FRMD4A: variants seen among roughly 807,000 people sequenced by gnomAD.
FRMD4A encodes FERM domain containing 4A, also known as FERM domain-containing protein 4A.
Under a neutral mutation model 129.1 loss-of-function variants are expected in FRMD4A, and 29 were observed. The ratio of observed to expected loss-of-function variants is 0.22; its 90% CI spans 0.17 to 0.31. FRMD4A has a LOEUF of 0.31. Ranked by LOEUF, FRMD4A falls within the 10% of genes least tolerant of loss-of-function variation. The probability of loss-of-function intolerance (pLI) is 1.00; values close to 1 mark genes in which losing one functional copy is unlikely to be tolerated. For missense variants in FRMD4A, 1,272 were observed against 1,375.8 expected (o/e 0.92, Z 1.19); for synonymous variants, 634 against 571.6 (o/e 1.11, Z -1.56).
At position 13,950,764 on chromosome 10, in the gene FRMD4A, T is replaced by C. The variant is rs72774675; in HGVS notation, c.46-91852A>G. On this transcript the variant is annotated intron_variant, in intron 2 of 24. Coordinates refer to ENST00000357447, the MANE Select transcript of FRMD4A (RefSeq NM_018027.5). ...TGTGTCCTTTCCTGAGAATTTTGCT[T>C]GGCTCATTCTTTTTCCTCATTTGGG... is the stretch of plus-strand genomic sequence containing the variant. Among the ~76,000 whole-genome samples, 1,098 of 152,318 alleles carry C rather than the reference T, an allele frequency of 7.2e-3. 1 individual carries two copies. The highest frequency in any genetic ancestry group is 0.011 in the Non-Finnish European group (737 of 68,042).
chr10:13,778,655 C>T (rs1183373447), intron 6 of FRMD4A, among the ~76,000 whole-genome samples: 1 of 150,272 alleles, frequency 6.7e-6, no homozygotes, highest in South Asian at 2.1e-4. Flanking sequence ...TGGGTTTTTG[C>T]AATCCCTAGG....
At chr10:14,176,396 A>G (rs1841727412) in intron 2 of FRMD4A, among the ~76,000 whole-genome samples, 1 of 149,248 alleles carries the variant, frequency 6.7e-6, no homozygotes, top group East Asian at 2.0e-4. Flanking sequence ...CTGTACACCC[A>G]TGATCAACTT....
intron 9 of FRMD4A, among the ~76,000 whole-genome samples, chr10:13,742,082 C>T (rs758995148): frequency 3.5e-4 from 53 of 151,942 alleles, no homozygotes; most frequent in Middle Eastern, 3.2e-3. Flanking sequence ...TCTCAAACTC[C>T]GGGCCTCAGG....
intron 2 of FRMD4A, among the ~76,000 whole-genome samples, chr10:13,961,381 A>G (rs1389631261): frequency 6.6e-6 from 1 of 152,240 alleles, no homozygotes; most frequent in African/African-American, 2.4e-5. Flanking sequence ...CTTCCAAAAT[A>G]GGCCAGCTGG....
chr10:14,055,298 T>A (rs1294484260), intron 2 of FRMD4A, among the ~76,000 whole-genome samples: 2 of 152,212 alleles, frequency 1.3e-5, no homozygotes, highest in Non-Finnish European at 2.9e-5. Flanking sequence ...TTGGTGGATC[T>A]GGTCTTTCCA....
intron 19 of FRMD4A, among the ~76,000 whole-genome samples, chr10:13,663,019 C>G (rs1348460597): frequency 7.9e-6 from 1 of 126,404 alleles, no homozygotes; most frequent in African/African-American, 2.9e-5. Context: ...CATGGCAAAC[C>G]CAGTCTCTAC....
intron 2 of FRMD4A, among the ~76,000 whole-genome samples, chr10:14,009,990 G>A (rs2095675618): frequency 6.6e-6 from 1 of 152,214 alleles, no homozygotes; most frequent in South Asian, 2.1e-4. Flanking sequence ...CAAAGCAAGA[G>A]AAACTCATTT....
At chr10:14,276,292 G>A (rs767883497) in intron 2 of FRMD4A, among the ~76,000 whole-genome samples, 1 of 152,162 alleles carries the variant, frequency 6.6e-6, no homozygotes, top group South Asian at 2.1e-4. Flanking sequence ...GAGAGCTGTG[G>A]AGGAAGAGTT....
intron 15 of FRMD4A, among the ~76,000 whole-genome samples, chr10:13,689,043 C>T (rs1200673511): frequency 6.6e-6 from 1 of 152,058 alleles, no homozygotes; most frequent in East Asian, 1.9e-4. Context: ...TTCATTTCTT[C>T]AGCATCTGAG....
chr10:13,848,585 C>T (rs1034964632), intron 3 of FRMD4A, among the ~76,000 whole-genome samples: 3 of 148,648 alleles, frequency 2.0e-5, no homozygotes, highest in African/African-American at 7.5e-5. Flanking sequence ...TCAACCAGCA[C>T]CTGGGTGTGA....
Position 13,660,428 on chromosome 10 carries a change from A to G in FRMD4A, c.1786T>C (p.Tyr596His). 2 of 1,614,030 alleles carry G rather than the reference A, an allele frequency of 1.2e-6. No homozygotes were observed. Among genetic ancestry groups the G allele is most frequent in the Non-Finnish European group, 8.5e-7 (1 of 1,179,890 alleles). Reference protein sequence around the residue: ...QSLEGLRQMHYHRNDYDKSPI... With the variant: ...QSLEGLRQMHHHRNDYDKSPI... ...GACTTGTCATAGTCGTTGCGGTGAT[A>G]GTGCATCTGTCGGAGTCCCTCCAGG... The change falls in exon 20 of 25, where the codon TAT (tyrosine) becomes CAT (histidine). Residue 596 changes from tyrosine to histidine, a missense_variant. Physicochemically the swap from Tyr to His is moderately conservative, Grantham distance 83. Transcript: ENST00000357447.
At chr10:14,094,876 T>G (rs1836863670) in intron 2 of FRMD4A, among the ~76,000 whole-genome samples, 1 of 152,214 alleles carries the variant, frequency 6.6e-6, no homozygotes, top group South Asian at 2.1e-4. Flanking sequence ...TGTGGACATA[T>G]GTGCATGTAT....
chr10:14,092,199 C>T (rs986591616), intron 2 of FRMD4A, among the ~76,000 whole-genome samples: 2 of 152,002 alleles, frequency 1.3e-5, no homozygotes, highest in African/African-American at 4.8e-5. Context: ...ACTGAACCGG[C>T]TACTAGGGGC....
intron 3 of FRMD4A, among the ~76,000 whole-genome samples, chr10:13,816,005 A>G (rs2093536103): frequency 6.6e-6 from 1 of 152,244 alleles, no homozygotes. Context: ...AACTGAAGTC[A>G]AGGAAAAGGC....
At chr10:14,155,706 G>A (rs1840562462) in intron 2 of FRMD4A, among the ~76,000 whole-genome samples, 2 of 152,166 alleles carry the variant, frequency 1.3e-5, no homozygotes, top group Non-Finnish European at 2.9e-5. Flanking sequence ...TTGAAAGTTA[G>A]AAAATTTAAA....
chr10:14,048,467 G>T (rs1413901668), intron 2 of FRMD4A, among the ~76,000 whole-genome samples: 1 of 152,124 alleles, frequency 6.6e-6, no homozygotes, highest in Non-Finnish European at 1.5e-5. Context: ...ACAGAATAGG[G>T]CTCTTCCTAG....
chr10:14,028,925 A>C (rs1415708752), intron 2 of FRMD4A, among the ~76,000 whole-genome samples: 3 of 152,172 alleles, frequency 2.0e-5, no homozygotes, highest in African/African-American at 7.2e-5. Context: ...CATTTCTTTG[A>C]TGGTGTAAAT....
chr10:13,920,865 C>T (rs1321518942), intron 2 of FRMD4A, among the ~76,000 whole-genome samples: 1 of 152,124 alleles, frequency 6.6e-6, no homozygotes, highest in Non-Finnish European at 1.5e-5. Context: ...CAGTTATACA[C>T]AGGTGCTTCA....
chr10:14,072,241 G>GAGAT (rs1333604162), intron 2 of FRMD4A, among the ~76,000 whole-genome samples: 2 of 152,158 alleles, frequency 1.3e-5, no homozygotes, highest in Non-Finnish European at 2.9e-5. Context: ...TAGGGTCACG[G>GAGAT]AGATGCTCGG....
Sources: allele counts gnomAD v4.1 joint callset (sites outside exome capture counted in the v4.1 genomes callset), GRCh38; gene constraint gnomAD v4.1.1; transcripts MANE v1.5; gene names NCBI Gene and HGNC (gene_info 2026-07-23, HGNC 2026-07-21).